PYGL: variants seen among roughly 807,000 people sequenced by gnomAD.
The protein encoded by PYGL is glycogen phosphorylase L.
Under a neutral mutation model 100.1 loss-of-function variants are expected in PYGL, and 90 were observed. That is an observed-to-expected ratio of 0.90 (90% CI 0.76 to 1.07). The LOEUF (loss-of-function observed/expected upper bound fraction) is 1.07, where lower values mean the gene tolerates loss of function less well. Among genes scored for constraint, PYGL ranks in the 50% least tolerant of loss-of-function variants. PYGL has a pLI of 0.00. For synonymous variants in PYGL, 373 were observed against 393.0 expected (o/e 0.95, Z 0.60); for missense variants, 1,016 against 1,057.6 (o/e 0.96, Z 0.55).
intron 1 of PYGL, among the ~76,000 whole-genome samples, chr14:50,939,799 G>C (rs759021171): frequency 6.6e-6 from 1 of 152,138 alleles, no homozygotes; most frequent in South Asian, 2.1e-4. Flanking sequence ...AAAAAAAATT[G>C]TGAGTAGAAT....
chr14:50,925,221 G>T (rs2050536607), intron 4 of PYGL, among the ~76,000 whole-genome samples: 3 of 152,114 alleles, frequency 2.0e-5, no homozygotes, highest in Admixed American at 1.3e-4. Context: ...TCTAAACATA[G>T]AAATAGTACA....
chr14:50,915,815 A>G lies in PYGL; in HGVS notation c.1239+10T>C, dbSNP rs758115731. 8.1e-6 allele frequency: 13 copies of G among 1,612,888 alleles called. No homozygotes were observed. The highest frequency in any genetic ancestry group is 2.7e-5 in the African/African-American group (2 of 74,926). ...CTCATGAACAGAGAAAATCTCTCAA[A>G]ATGACTTACATCTAAATGCTTCTGA... On this transcript the variant is annotated intron_variant, in intron 10 of 19. Coordinates refer to ENST00000216392, the MANE Select transcript of PYGL (RefSeq NM_002863.5).
intron 1 of PYGL, 22 bp downstream of exon 1, chr14:50,944,139 C>T (rs2050727372): frequency 3.1e-6 from 5 of 1,588,596 alleles, no homozygotes; most frequent in Middle Eastern, 1.8e-4. Context: ...GGACCCCGGC[C>T]CGCCGTCCCG....
intron 1 of PYGL, among the ~76,000 whole-genome samples, chr14:50,938,737 A>G (rs192205580): frequency 2.0e-5 from 3 of 152,144 alleles, no homozygotes; most frequent in Non-Finnish European, 4.4e-5. Context: ...CCGGGGAGAA[A>G]AAAAGCAAAC....
At chr14:50,943,670 C>G (rs1253838717) in intron 1 of PYGL, among the ~76,000 whole-genome samples, 1 of 152,256 alleles carries the variant, frequency 6.6e-6, no homozygotes, top group Non-Finnish European at 1.5e-5. Flanking sequence ...CTGAGACTTA[C>G]GACCTTTTCC....
intron 5 of PYGL, chr14:50,923,733 C>A: frequency 2.3e-5 from 6 of 256,184 alleles, no homozygotes; most frequent in East Asian, 9.6e-5. Flanking sequence ...TCTGACAAAG[C>A]TGGTTGCAAA....
rs1051093877 is a variant in PYGL at position 50,931,594 on chromosome 14, T to C, written c.528+79A>G. Reference sequence around the variant, plus strand: ...AATTAGTACAGCTCTATGTTAAAGGTCCATATATTATAAATCATCCAGAGC... The same window carrying C: ...AATTAGTACAGCTCTATGTTAAAGGCCCATATATTATAAATCATCCAGAGC... On this transcript the variant is annotated intron_variant, in intron 4 of 19. Transcript: ENST00000216392. 17 of 1,294,188 alleles carry C rather than the reference T, an allele frequency of 1.3e-5. No homozygotes were observed. In the Middle Eastern group the frequency reaches 7.3e-4, roughly 56 times the overall value. The allele number at this position is 1,294,188 out of a possible 1,614,324, so 80.2% of individuals were successfully genotyped here.
chr14:50,926,427 G>A (rs2050548096), intron 4 of PYGL, among the ~76,000 whole-genome samples: 1 of 151,870 alleles, frequency 6.6e-6, no homozygotes, highest in Non-Finnish European at 1.5e-5. Context: ...CAAGAAGCTT[G>A]TTAAAGAGTC....
rs58462290 is a variant in PYGL at position 50,915,987 on chromosome 14, G to A, written c.1093-16C>T. 2 of 1,613,824 alleles carry A rather than the reference G, an allele frequency of 1.2e-6. No homozygotes were observed. The highest frequency in any genetic ancestry group is 3.3e-5 in the Admixed American group (2 of 60,030). On this transcript the variant is annotated splice_polypyrimidine_tract_variant and intron_variant, in intron 9 of 19. Coordinates refer to ENST00000216392, the MANE Select transcript of PYGL (RefSeq NM_002863.5). The stretch of plus-strand genomic sequence containing the variant: ...GCTCCCATGCCTGGGGGAAAGGAAG[G>A]AGTCAGCTGCTTGCCCTGAAGGTGG...
chr14:50,935,304 C>A, intron 2 of PYGL, 119 bp from the exon 3 acceptor site: 1 of 810,058 alleles, frequency 1.2e-6, no homozygotes, highest in Non-Finnish European at 2.1e-6. Context: ...CCTAATCTAG[C>A]GTCAGCTCCC....
At chr14:50,911,934 A>G in intron 15 of PYGL, 44 bp downstream of exon 15, 1 of 1,612,888 alleles carries the variant, frequency 6.2e-7, no homozygotes, top group Non-Finnish European at 8.5e-7. Flanking sequence ...AAGAATGGCA[A>G]GAGATTAGAG....
At position 50,931,672 on chromosome 14, in the gene PYGL, C is replaced by T. The variant is rs1170047320; in HGVS notation, c.528+1G>A. On this transcript the variant is annotated splice_donor_variant, in intron 4 of 19. Coordinates refer to ENST00000216392, the MANE Select transcript of PYGL (RefSeq NM_002863.5). LOFTEE classifies it high-confidence loss of function. Reference sequence around the variant, plus strand: ...AAAATTTAAAAAGATGGCTCACACACCTGCCATCCATCTCGGATCTTCTGA... The same window carrying T: ...AAAATTTAAAAAGATGGCTCACACATCTGCCATCCATCTCGGATCTTCTGA... 3.7e-6 allele frequency: 6 copies of T among 1,611,532 alleles called. No homozygotes were observed. The highest frequency in any genetic ancestry group is 2.7e-5 in the African/African-American group (2 of 74,852).
intron 2 of PYGL, among the ~76,000 whole-genome samples, chr14:50,937,524 A>G (rs2050663842): frequency 6.6e-6 from 1 of 152,252 alleles, no homozygotes; most frequent in African/African-American, 2.4e-5. Flanking sequence ...AATTCTCATG[A>G]GTCATAACGA....
intron 4 of PYGL, among the ~76,000 whole-genome samples, chr14:50,926,033 G>T (rs1449296195): frequency 6.6e-6 from 1 of 152,192 alleles, no homozygotes; most frequent in Non-Finnish European, 1.5e-5. Flanking sequence ...GCAATGCAAA[G>T]TCAATAACTG....
Position 50,916,739 on chromosome 14 carries a change from G to A in PYGL, c.1000-5C>T, listed in dbSNP as rs2050454764. 1.9e-6 allele frequency: 3 copies of A among 1,612,486 alleles called. No homozygotes were observed. The highest frequency in any genetic ancestry group is 2.5e-6 in the Non-Finnish European group (3 of 1,178,658). On this transcript the variant is annotated splice_polypyrimidine_tract_variant and splice_region_variant and intron_variant, in intron 8 of 19. Transcript: ENST00000216392. ...GTCATTCAGCTGGATGGCCACCTGGGTGGGGAAAGACATCAACATGAAGGC... is the reference window on the plus strand; with the variant it reads ...GTCATTCAGCTGGATGGCCACCTGGATGGGGAAAGACATCAACATGAAGGC...
rs1021951407 is a variant in PYGL, at chr14:50,905,261, T to A, written c.*131A>T. On this transcript the variant is annotated 3_prime_UTR_variant, in exon 20 of 20. Coordinates refer to ENST00000216392, the MANE Select transcript of PYGL (RefSeq NM_002863.5). ...CTTTATTTTTAAGCTCTATTACATA[T>A]AATTTCCCTCCCCATTCCCAGAGAT... 49 of 963,216 alleles carry A rather than the reference T, an allele frequency of 5.1e-5. No homozygotes were observed. In the Middle Eastern group the frequency reaches 9.7e-4, roughly 19 times the overall value. 59.7% of individuals were successfully genotyped at this position (963,216 alleles called of 1,614,324 possible). A position where few individuals can be genotyped will look rare whatever the true frequency, so the allele number is the denominator to read the frequency against.
chr14:50,907,583 A>C (rs993838199), intron 19 of PYGL, among the ~76,000 whole-genome samples: 1 of 152,138 alleles, frequency 6.6e-6, no homozygotes, highest in East Asian at 1.9e-4. Context: ...GAGAGACCTC[A>C]ACTTTGCTCA....
At chr14:50,931,909 T>C in intron 3 of PYGL, 133 bp from the exon 4 acceptor site, 1 of 725,498 alleles carries the variant, frequency 1.4e-6, no homozygotes, top group Middle Eastern at 2.7e-4. Flanking sequence ...AAAGCACAGA[T>C]ACTACTGCAC....
chr14:50,941,803 G>A (rs141605193), intron 1 of PYGL, among the ~76,000 whole-genome samples: 2,704 of 152,226 alleles, frequency 0.018, 20 homozygotes, highest in African/African-American at 0.022. Context: ...ACTTGAACCC[G>A]AGAGGCAGAG....
Sources: allele counts gnomAD v4.1 joint callset (sites outside exome capture counted in the v4.1 genomes callset), GRCh38; gene constraint gnomAD v4.1.1; transcripts MANE v1.5; gene names NCBI Gene and HGNC (gene_info 2026-07-23, HGNC 2026-07-21).